ZNF701: variants seen among roughly 807,000 people sequenced by gnomAD.
ZNF701 encodes zinc finger protein 701.
Under a neutral mutation model 7.1 loss-of-function variants are expected in ZNF701, and 6 were observed. That is an observed-to-expected ratio of 0.84 (90% CI 0.46 to 1.66). The LOEUF (loss-of-function observed/expected upper bound fraction) is 1.66, where lower values mean the gene tolerates loss of function less well. Among genes scored for constraint, ZNF701 ranks in the 40% most tolerant of loss-of-function variants. The pLI is 0.01. For synonymous variants in ZNF701, 166 were observed against 188.2 expected (o/e 0.88, Z 0.97); for missense variants, 541 against 559.2 (o/e 0.97, Z 0.33).
the ZNF701 span, chr19:52,592,249 G>C: frequency 3.2e-6 from 5 of 1,566,188 alleles, no homozygotes; most frequent in Non-Finnish European, 4.4e-6. Context: ...TATCCCTCCA[G>C]ACATGAGGAA....
rs1473662147 is a variant in ZNF701 at position 52,584,195 on chromosome 19, G to A, written c.*738G>A. ...GCAGAATATCATAACGTTCATTTTTGAGGTAATAGTTACAAATGCGGTGAG... is the reference window on the plus strand; with the variant it reads ...GCAGAATATCATAACGTTCATTTTTAAGGTAATAGTTACAAATGCGGTGAG... On this transcript the variant is annotated 3_prime_UTR_variant, in exon 4 of 4. Transcript: ENST00000391785. The A allele has an allele frequency of 3.8e-6, 1 of 260,098 alleles. No homozygotes were observed. Among genetic ancestry groups the A allele is most frequent in the East Asian group, 1.0e-4 (1 of 9,910 alleles). 16.1% of individuals were successfully genotyped at this position (260,098 alleles called of 1,614,324 possible).
chr19:52,597,324 A>G, the ZNF701 span: 1 of 542,932 alleles, frequency 1.8e-6, no homozygotes. Flanking sequence ...GAGAATCCAT[A>G]CTGGACAGAA....
At chr19:52,577,227 G>A (rs940704286) in intron 3 of ZNF701, among the ~76,000 whole-genome samples, 3 of 152,114 alleles carry the variant, frequency 2.0e-5, no homozygotes, top group African/African-American at 7.2e-5. Context: ...AGCTTCCTGA[G>A]TAGCTGGGAC....
In ZNF701 at chr19:52,582,228, A is replaced by T. The variant is rs775499037; in HGVS notation, c.169A>T (p.Met57Leu). 5.0e-6 allele frequency: 8 copies of T among 1,585,756 alleles called. No homozygotes were observed. The change falls in exon 4 of 4, where the codon ATG becomes TTG. Residue 57 changes from methionine to leucine, a missense_variant. Coordinates refer to ENST00000391785, the MANE Select transcript of ZNF701 (RefSeq NM_018260.3). Reference sequence around the variant, plus strand: ...TACCTCTTCCAAATGCATGATGAAGATGTTCTCATCAACAGGACAAGGCAA... The same window carrying T: ...TACCTCTTCCAAATGCATGATGAAGTTGTTCTCATCAACAGGACAAGGCAA... ...LDTSSKCMMK[M>L]FSSTGQGNTE...
chr19:52,573,957 C>T (rs959064444), intron 1 of ZNF701, 120 bp from the exon 2 acceptor site: 3 of 996,934 alleles, frequency 3.0e-6, no homozygotes, highest in African/African-American at 3.2e-5. Context: ...ATCCCTGGTG[C>T]AGTGGGCAGC....
In ZNF701 at chr19:52,577,724, C is replaced by G. The variant is rs144652224; in HGVS notation, c.142+1703C>G. Among the ~76,000 whole-genome samples, 1,381 of 152,090 alleles carry G rather than the reference C, an allele frequency of 9.1e-3. 20 individuals carry two copies. The highest frequency in any genetic ancestry group is 0.026 in the African/African-American group (1,071 of 41,486). ...TACTTAGCAGACCGCGAAAGGGGGT[C>G]TCCTTTCCTTGGAGGAGTCAGGGAA... On this transcript the variant is annotated intron_variant, in intron 3 of 3. Coordinates refer to ENST00000391785, the MANE Select transcript of ZNF701 (RefSeq NM_018260.3).
In ZNF701 at chr19:52,582,497, G is replaced by A. The variant is rs764955865; in HGVS notation, c.438G>A (p.Ser146=). Reference sequence around the variant, plus strand: ...ATGAGCTTGGATCAAGCTTTCATTCGCATCTGCCTGAAGTGCACATATTTC... The same window carrying A: ...ATGAGCTTGGATCAAGCTTTCATTCACATCTGCCTGAAGTGCACATATTTC... ...IKNELGSSFH[S]HLPEVHIFHP... is the part of the protein sequence containing the mutation. Residue 146 remains serine (S), a synonymous_variant, in exon 4 of 4, where the codon TCG becomes TCA. Coordinates refer to ENST00000391785, the MANE Select transcript of ZNF701 (RefSeq NM_018260.3). 12 of 1,614,006 alleles carry A rather than the reference G, an allele frequency of 7.4e-6. No individual in the cohort carries two copies. Among genetic ancestry groups the A allele is most frequent in the Middle Eastern group, 1.6e-4 (1 of 6,084 alleles).
chr19:52,572,795 C>T (rs200441899), intron 1 of ZNF701: 1 of 415,810 alleles, frequency 2.4e-6, no homozygotes, highest in Non-Finnish European at 4.8e-6. Flanking sequence ...GTCCAGGCTC[C>T]TCCTGGGAAC....
At chr19:52,592,254 G>A in the ZNF701 span, 1 of 1,562,358 alleles carries the variant, frequency 6.4e-7, no homozygotes, top group Non-Finnish European at 8.8e-7. Flanking sequence ...CTCCAGACAT[G>A]AGGAATCTGC....
the ZNF701 span, chr19:52,595,812 T>C: frequency 6.2e-7 from 1 of 1,609,104 alleles, no homozygotes. Flanking sequence ...GAAGCACCCA[T>C]GACAGAAACC....
intron 1 of ZNF701, chr19:52,570,783 C>CCCG (rs1475741026): frequency 6.6e-6 from 1 of 152,348 alleles, no homozygotes; most frequent in East Asian, 1.9e-4. Context: ...CACCCCACCT[C>CCCG]CCGCCTCATG....
intron 3 of ZNF701, among the ~76,000 whole-genome samples, chr19:52,577,855 A>G (rs748906372): frequency 1.1e-4 from 17 of 152,030 alleles, no homozygotes; most frequent in Non-Finnish European, 2.2e-4. Context: ...TTCAATGGTC[A>G]TGCTCCTTGT....
At chr19:52,579,284 T>G (rs2059959402) in intron 3 of ZNF701, among the ~76,000 whole-genome samples, 1 of 141,190 alleles carries the variant, frequency 7.1e-6, no homozygotes, top group Non-Finnish European at 1.5e-5. Context: ...CCCAGCACTT[T>G]GGGAGGCCAA....
Position 52,586,918 on chromosome 19 carries a change from C to G in ZNF701, c.*3461C>G, listed in dbSNP as rs929431153. The G allele has an allele frequency of 6.6e-6, 1 of 152,172 alleles. No homozygotes were observed. Among genetic ancestry groups the G allele is most frequent in the African/African-American group, 2.4e-5 (1 of 41,426 alleles). 9.4% of individuals were successfully genotyped at this position (152,172 alleles called of 1,614,324 possible). A position where few individuals can be genotyped will look rare whatever the true frequency, so the allele number is the denominator to read the frequency against. On this transcript the variant is annotated 3_prime_UTR_variant, in exon 4 of 4. Transcript: ENST00000391785. ...TTATCATCTCATGGCTTTGACCCACCTACATGGCTCCGTGTCCCCTGCAGG... is the reference window on the plus strand; with the variant it reads ...TTATCATCTCATGGCTTTGACCCACGTACATGGCTCCGTGTCCCCTGCAGG...
At chr19:52,596,220 A>G in the ZNF701 span, 6 of 551,198 alleles carry the variant, frequency 1.1e-5, no homozygotes, top group South Asian at 5.5e-5. Context: ...GTATGTGGCA[A>G]AGTCTTTCAT....
chr19:52,585,523 A>T lies in ZNF701; in HGVS notation c.*2066A>T, dbSNP rs529933528. On this transcript the variant is annotated 3_prime_UTR_variant, in exon 4 of 4. Transcript: ENST00000391785. ...GGCAGGCCTGGAATGTGAAGTTTCC[A>T]GGTAGATGGATATTAAACATAGAAT... is the stretch of plus-strand genomic sequence containing the variant. 1.3e-5 allele frequency: 2 copies of T among 150,676 alleles called. No individual in the cohort carries two copies. The highest frequency in any genetic ancestry group is 4.0e-4 in the East Asian group (2 of 5,002). The allele number at this position is 150,676 out of a possible 1,614,324, so 9.3% of individuals were successfully genotyped here. A position where few individuals can be genotyped will look rare whatever the true frequency, so the allele number is the denominator to read the frequency against.
chr19:52,596,677 T>G, the ZNF701 span: 1 of 470,476 alleles, frequency 2.1e-6, no homozygotes, highest in South Asian at 1.7e-5. Context: ...CATCAGAGAG[T>G]TCATACTGGA....
chr19:52,592,252 A>G, the ZNF701 span: 2 of 1,564,192 alleles, frequency 1.3e-6, no homozygotes, highest in South Asian at 1.1e-5. Context: ...CCCTCCAGAC[A>G]TGAGGAATCT....
intron 1 of ZNF701, chr19:52,572,764 G>A (rs2059909297): frequency 2.6e-6 from 1 of 383,546 alleles, no homozygotes; most frequent in African/African-American, 2.1e-5. Flanking sequence ...CCACAGCCCT[G>A]TGTCCAGGGC....
Sources: allele counts gnomAD v4.1 joint callset (sites outside exome capture counted in the v4.1 genomes callset), GRCh38; gene constraint gnomAD v4.1.1; transcripts MANE v1.5; gene names NCBI Gene and HGNC (gene_info 2026-07-23, HGNC 2026-07-21).